Variants in BBOX1 observed in about 807,000 individuals in gnomAD.
BBOX1 encodes the protein gamma-butyrobetaine hydroxylase 1.
In BBOX1, 35 loss-of-function variants were observed where a neutral mutation model predicts 41.6. The observed-to-expected ratio is 0.84, with a 90% CI of 0.64 to 1.11. The LOEUF (loss-of-function observed/expected upper bound fraction) is 1.11, where lower values mean the gene tolerates loss of function less well. BBOX1 is among the 50% of genes most tolerant of loss of function. The probability of loss-of-function intolerance (pLI) is 0.00; values close to 1 mark genes in which losing one functional copy is unlikely to be tolerated. For missense variants in BBOX1, 458 were observed against 460.6 expected, an observed-to-expected ratio of 0.99 and a Z score of 0.05; for synonymous variants, 163 against 154.7, an observed-to-expected ratio of 1.05 and a Z score of -0.40.
rs1859458854 is a variant in BBOX1, at chr11:27,121,390, A to AG, written c.836+1547dup. 2.6e-5 allele frequency among the ~76,000 whole-genome samples: 4 copies of AG among 152,296 alleles called. No individual in the cohort carries two copies. In the South Asian group the frequency reaches 8.3e-4, roughly 32 times the overall value. ...GAAGTTGCTGCAAGATCCTGATCAA[A>AG]GGAAAGACTTTGATATTTATGTAAA... On this transcript the variant is annotated intron_variant, in intron 7 of 8. Transcript: ENST00000263182.
At chr11:27,094,440 T>C (rs1282469650) in intron 5 of BBOX1, among the ~76,000 whole-genome samples, 1 of 151,926 alleles carries the variant, frequency 6.6e-6, no homozygotes, top group East Asian at 1.9e-4. Flanking sequence ...TGAAAGAAAA[T>C]GGAATTAGTC....
At chr11:27,074,761 T>C (rs1228301259) in intron 4 of BBOX1, among the ~76,000 whole-genome samples, 1 of 152,200 alleles carries the variant, frequency 6.6e-6, no homozygotes, top group African/African-American at 2.4e-5. Context: ...AAGAAGAGCA[T>C]AAAAAGTTTG....
chr11:27,055,785 G>C (rs12049843), intron 3 of BBOX1, 136 bp downstream of exon 3: 153,525 of 678,640 alleles, frequency 0.23, 19,036 homozygotes, highest in South Asian at 0.37. Flanking sequence ...ATAGTACTTG[G>C]TGCGAATTAA....
At chr11:27,072,673 C>T (rs147289644) in intron 4 of BBOX1, among the ~76,000 whole-genome samples, 5,022 of 152,296 alleles carry the variant, frequency 0.033, 128 homozygotes, top group South Asian at 0.11. Flanking sequence ...TCAAACTATA[C>T]TACAAGGCTA....
intron 4 of BBOX1, among the ~76,000 whole-genome samples, chr11:27,081,584 C>G (rs1857836835): frequency 6.6e-6 from 1 of 152,066 alleles, no homozygotes; most frequent in Admixed American, 6.6e-5. Flanking sequence ...AATGGGATTG[C>G]TGGATCAAAT....
At chr11:27,075,964 A>G (rs908700968) in intron 4 of BBOX1, among the ~76,000 whole-genome samples, 5 of 152,230 alleles carry the variant, frequency 3.3e-5, no homozygotes, top group Non-Finnish European at 7.3e-5. Context: ...TGAGCCCAGC[A>G]CTGTATCTGT....
chr11:27,117,866 T>C (rs1859324068), intron 6 of BBOX1, among the ~76,000 whole-genome samples: 2 of 151,984 alleles, frequency 1.3e-5, no homozygotes, highest in Admixed American at 6.6e-5. Context: ...TGTCTTTTTA[T>C]GTCAGATGAG....
At chr11:27,088,465 T>C (rs766592106) in intron 4 of BBOX1, among the ~76,000 whole-genome samples, 1 of 152,060 alleles carries the variant, frequency 6.6e-6, no homozygotes, top group Non-Finnish European at 1.5e-5. Flanking sequence ...GTTTCAGTGT[T>C]GTGCAATGAA....
intron 2 of BBOX1, among the ~76,000 whole-genome samples, chr11:27,041,934 C>T (rs998034493): frequency 6.6e-6 from 1 of 152,158 alleles, no homozygotes; most frequent in African/African-American, 2.4e-5. Context: ...ATATGATACC[C>T]TAGCTCTTTG....
chr11:27,127,678 A>T lies in BBOX1; in HGVS notation c.*225A>T. On this transcript the variant is annotated 3_prime_UTR_variant, in exon 9 of 9. Coordinates refer to ENST00000263182, the MANE Select transcript of BBOX1 (RefSeq NM_003986.3). Reference sequence around the variant, plus strand: ...TAAAGCATCCTTTCTGCTCTGTTGCATGCCTGCTCTAATTTCTTTTGCCCA... The same window carrying T: ...TAAAGCATCCTTTCTGCTCTGTTGCTTGCCTGCTCTAATTTCTTTTGCCCA... 2.1e-6 allele frequency: 1 copy of T among 474,040 alleles called. No homozygotes were observed. Among genetic ancestry groups the T allele is most frequent in the Non-Finnish European group, 3.6e-6 (1 of 275,886 alleles). The allele number at this position is 474,040 out of a possible 1,614,324, so 29.4% of individuals were successfully genotyped here. A position where few individuals can be genotyped will look rare whatever the true frequency, so the allele number is the denominator to read the frequency against.
At chr11:27,059,463 G>A (rs918116260) in intron 4 of BBOX1, among the ~76,000 whole-genome samples, 1 of 152,230 alleles carries the variant, frequency 6.6e-6, no homozygotes, top group African/African-American at 2.4e-5. Context: ...GGGAAATGCA[G>A]AGGAAAATGA....
chr11:27,098,252 C>T (rs1055067950), intron 5 of BBOX1, among the ~76,000 whole-genome samples: 9 of 152,068 alleles, frequency 5.9e-5, no homozygotes, highest in Non-Finnish European at 1.0e-4. Flanking sequence ...ATCTGGCATC[C>T]TCTGCAGCGC....
chr11:27,104,203 C>T (rs1398680812), intron 5 of BBOX1, among the ~76,000 whole-genome samples: 11 of 152,054 alleles, frequency 7.2e-5, no homozygotes, highest in African/African-American at 2.2e-4. Context: ...TGTAGAAATC[C>T]CCTCCGAAGT....
At chr11:27,104,083 C>G (rs1858768171) in intron 5 of BBOX1, among the ~76,000 whole-genome samples, 1 of 152,058 alleles carries the variant, frequency 6.6e-6, no homozygotes, top group African/African-American at 2.4e-5. Flanking sequence ...GCACTCTTCT[C>G]AGAAGGAAGG....
chr11:27,059,141 G>A (rs565460655), intron 4 of BBOX1, among the ~76,000 whole-genome samples: 1 of 152,274 alleles, frequency 6.6e-6, no homozygotes, highest in East Asian at 1.9e-4. Flanking sequence ...AGCCTCGGGA[G>A]GCAGCTCCCA....
intron 5 of BBOX1, among the ~76,000 whole-genome samples, chr11:27,095,609 T>G (rs950066919): frequency 2.0e-5 from 3 of 151,984 alleles, no homozygotes; most frequent in African/African-American, 7.2e-5. Context: ...ATTATGTGCA[T>G]GCCAGAAAAC....
intron 4 of BBOX1, among the ~76,000 whole-genome samples, chr11:27,062,383 C>T (rs1292369227): frequency 6.6e-6 from 1 of 152,154 alleles, no homozygotes; most frequent in Non-Finnish European, 1.5e-5. Context: ...CTTCTCCATA[C>T]TGATGCTCTT....
intron 5 of BBOX1, among the ~76,000 whole-genome samples, chr11:27,110,114 T>A (rs1859003529): frequency 6.6e-6 from 1 of 151,896 alleles, no homozygotes; most frequent in Non-Finnish European, 1.5e-5. Flanking sequence ...TATCAGAGAA[T>A]CCTGATAACT....
At position 27,072,345 on chromosome 11, in the gene BBOX1, C is replaced by T. The variant is rs537766875; in HGVS notation, c.334+15030C>T. ...AATTGCTTCAAAGAGAATAAAATAC[C>T]TAGGAATCCAACTTACAGGGGACGT... On this transcript the variant is annotated intron_variant, in intron 4 of 8. Coordinates refer to ENST00000263182, the MANE Select transcript of BBOX1 (RefSeq NM_003986.3). 6.6e-5 allele frequency among the ~76,000 whole-genome samples: 10 copies of T among 152,220 alleles called. 1 individual carries two copies. The South Asian group carries it at 2.1e-3, about 32-fold the overall frequency.
Sources: allele counts gnomAD v4.1 joint callset (sites outside exome capture counted in the v4.1 genomes callset), GRCh38; gene constraint gnomAD v4.1.1; transcripts MANE v1.5; gene names NCBI Gene and HGNC (gene_info 2026-07-23, HGNC 2026-07-21).